FANCI: variants seen among roughly 807,000 people sequenced by gnomAD.
FANCI encodes the protein FA complementation group I, also known as Fanconi anemia group I protein.
In FANCI, 156 loss-of-function variants were observed where a neutral mutation model predicts 176.1. That is an observed-to-expected ratio of 0.89 (90% CI 0.78 to 1.01). The LOEUF (loss-of-function observed/expected upper bound fraction) is 1.01, where lower values mean the gene tolerates loss of function less well. Among genes scored for constraint, FANCI ranks in the 50% least tolerant of loss-of-function variants. The pLI is 0.00. For missense variants in FANCI, 1,678 were observed against 1,534.1 expected (o/e 1.09, Z -1.57); for synonymous variants, 613 against 541.7 (o/e 1.13, Z -1.83).
At chr15:89,298,830 CTT>C (rs750476309) in intron 24 of FANCI, among the ~76,000 whole-genome samples, 1 of 152,114 alleles carries the variant, frequency 6.6e-6, no homozygotes, top group African/African-American at 2.4e-5. Context: ...TGCCAGTAAA[CTT>C]TTAAGTTTAA....
At chr15:89,308,048 C>T (rs2054795378) in intron 34 of FANCI, 2 of 1,158,340 alleles carry the variant, frequency 1.7e-6, no homozygotes, top group South Asian at 2.0e-5. Context: ...GATGAGACGG[C>T]AGTGCAGTGA....
chr15:89,302,764 G>A (rs1479786192), intron 27 of FANCI, among the ~76,000 whole-genome samples: 2 of 151,940 alleles, frequency 1.3e-5, no homozygotes, highest in Admixed American at 6.6e-5. Context: ...TAATAGAGAC[G>A]GGGTTTCACC....
intron 37 of FANCI, among the ~76,000 whole-genome samples, 174 bp downstream of exon 37, chr15:89,315,563 A>G (rs1399882469): frequency 6.6e-5 from 10 of 152,224 alleles, no homozygotes; most frequent in Admixed American, 5.9e-4. Flanking sequence ...GGACCACACA[A>G]AATCCTATGA....
In FANCI at chr15:89,300,460, A is replaced by C. The variant is rs2054486304; in HGVS notation, c.2889+75A>C. 3.5e-5 allele frequency: 46 copies of C among 1,309,122 alleles called. No individual in the cohort carries two copies. In the South Asian group the frequency reaches 4.5e-4, roughly 13 times the overall value. 81.1% of individuals were successfully genotyped at this position (1,309,122 alleles called of 1,614,324 possible). On this transcript the variant is annotated intron_variant, in intron 26 of 37. Transcript: ENST00000310775. ...GAACTGTTAGCAGGGGCAGCTGGTAAGAATGGGCAGACAGTGACCAAGTAG... is the reference window on the plus strand; with the variant it reads ...GAACTGTTAGCAGGGGCAGCTGGTACGAATGGGCAGACAGTGACCAAGTAG...
chr15:89,294,074 T>G, intron 23 of FANCI, 77 bp downstream of exon 23: 1 of 1,495,552 alleles, frequency 6.7e-7, no homozygotes, highest in Non-Finnish European at 9.3e-7. Flanking sequence ...TTGTTTCACC[T>G]CGTTTGGATT....
intron 36 of FANCI, among the ~76,000 whole-genome samples, 167 bp from the exon 37 acceptor site, chr15:89,315,115 C>T (rs556649016): frequency 5.5e-4 from 83 of 152,210 alleles, no homozygotes; most frequent in Non-Finnish European, 8.7e-4. Flanking sequence ...AGCCTCTTTG[C>T]TGTTCTTGAT....
At chr15:89,247,268 G>A (rs2052031059) in intron 1 of FANCI, among the ~76,000 whole-genome samples, 1 of 151,944 alleles carries the variant, frequency 6.6e-6, no homozygotes, top group Admixed American at 6.6e-5. Flanking sequence ...ACATGCTTAT[G>A]GTAATATATA....
chr15:89,300,279 G>A (rs989200918), intron 25 of FANCI, 21 bp from the exon 26 acceptor site: 4 of 1,605,014 alleles, frequency 2.5e-6, no homozygotes, highest in Non-Finnish European at 3.4e-6. Flanking sequence ...AAGAAGACAA[G>A]AGTTTCTTTT....
intron 14 of FANCI, among the ~76,000 whole-genome samples, chr15:89,280,181 C>T (rs1051092732): frequency 7.2e-5 from 11 of 152,122 alleles, no homozygotes; most frequent in African/African-American, 1.9e-4. Context: ...GCCACCACAC[C>T]CAGCTAATTT....
chr15:89,311,991 A>G (rs1467022620), intron 34 of FANCI, among the ~76,000 whole-genome samples: 3 of 152,114 alleles, frequency 2.0e-5, no homozygotes, highest in South Asian at 2.1e-4. Context: ...TTAGTTATTC[A>G]TCCCTCTCCA....
chr15:89,254,099 C>T lies in FANCI; in HGVS notation c.85-4605C>T, dbSNP rs1271345692. 3.9e-5 allele frequency among the ~76,000 whole-genome samples: 6 copies of T among 152,248 alleles called. No homozygotes were observed. In the East Asian group the frequency reaches 1.2e-3, roughly 29 times the overall value. ...AGTTGCTCGGTGCGGTGGCTCACGC[C>T]TGTAATCCCAACACTTTGGGAAACT... On this transcript the variant is annotated intron_variant, in intron 2 of 37. Transcript: ENST00000310775.
chr15:89,261,249 C>T (rs1011789206), intron 4 of FANCI, among the ~76,000 whole-genome samples: 1 of 151,940 alleles, frequency 6.6e-6, no homozygotes, highest in Non-Finnish European at 1.5e-5. Flanking sequence ...CCAGCCTGGG[C>T]AGCAGAGTGA....
rs75223122 is a variant in FANCI at position 89,244,817 on chromosome 15, G to T, written c.-20+784G>T. On this transcript the variant is annotated intron_variant, in intron 1 of 37. Transcript: ENST00000310775. ...CCAAAAGTTGTTCATCTAAAATGGG[G>T]CTAATATTACACCTACCTAGTAGGT... Among the ~76,000 whole-genome samples the T allele has an allele frequency of 4.0e-3, 609 of 152,232 alleles. 6 individuals carry two copies. The highest frequency in any genetic ancestry group is 0.014 in the African/African-American group (585 of 41,552).
At chr15:89,312,780 C>A (rs1037693911) in intron 34 of FANCI, 124 bp from the exon 35 acceptor site, 15 of 745,016 alleles carry the variant, frequency 2.0e-5, no homozygotes, top group African/African-American at 3.6e-5. Flanking sequence ...CATCACGCCA[C>A]TGCACACCAG....
At chr15:89,277,010 G>A (rs1432022326) in intron 13 of FANCI, 119 bp downstream of exon 13, 12 of 967,582 alleles carry the variant, frequency 1.2e-5, no homozygotes, top group Admixed American at 3.5e-5. Flanking sequence ...TTTGACAGAG[G>A]ATATATGACA....
intron 18 of FANCI, among the ~76,000 whole-genome samples, chr15:89,289,718 A>ATT (rs879816431): frequency 6.3e-5 from 9 of 143,482 alleles, no homozygotes; most frequent in African/African-American, 1.5e-4. Context: ...TCTCCCCAGG[A>ATT]TTTTTTTTTT....
At chr15:89,257,855 C>T (rs949961077) in intron 2 of FANCI, among the ~76,000 whole-genome samples, 2 of 152,126 alleles carry the variant, frequency 1.3e-5, no homozygotes, top group Non-Finnish European at 2.9e-5. Context: ...CTCTTAAACC[C>T]CCATAACTCA....
In FANCI at chr15:89,294,901, C is replaced by G. The variant is rs1415595210; in HGVS notation, c.2457-14C>G. ...AATCTTCCTTTTTCTTTCTCTCTCT[C>G]TGTCTCTCTCTAGGGATAGTATCCA... On this transcript the variant is annotated splice_polypyrimidine_tract_variant and intron_variant, in intron 23 of 37. Coordinates refer to ENST00000310775, the MANE Select transcript of FANCI (RefSeq NM_001113378.2). The G allele has an allele frequency of 6.5e-7, 1 of 1,549,290 alleles. No homozygotes were observed. The highest frequency in any genetic ancestry group is 1.2e-5 in the South Asian group (1 of 83,724).
chr15:89,261,201 G>C (rs981702536), intron 4 of FANCI, among the ~76,000 whole-genome samples: 11 of 152,196 alleles, frequency 7.2e-5, no homozygotes, highest in Non-Finnish European at 1.5e-4. Flanking sequence ...AGCCAGGGAG[G>C]CGGAGGTTGC....
Sources: allele counts gnomAD v4.1 joint callset (sites outside exome capture counted in the v4.1 genomes callset), GRCh38; gene constraint gnomAD v4.1.1; transcripts MANE v1.5; gene names NCBI Gene and HGNC (gene_info 2026-07-23, HGNC 2026-07-21).